The following SAG variants were observed in gnomAD, a reference collection of about 807,000 sequenced individuals.
The protein encoded by SAG is S-antigen visual arrestin.
In SAG, 45 loss-of-function variants were observed where a neutral mutation model predicts 55.0. That is an observed-to-expected ratio of 0.82 (90% CI 0.64 to 1.05). The LOEUF (loss-of-function observed/expected upper bound fraction) is 1.05, where lower values mean the gene tolerates loss of function less well. Among genes scored for constraint, SAG ranks in the 50% least tolerant of loss-of-function variants. The pLI is 0.00. For missense variants in SAG, 455 were observed against 512.1 expected (o/e 0.89, Z 1.08); for synonymous variants, 189 against 197.4 (o/e 0.96, Z 0.36).
rs901650956 is a variant in SAG at position 233,320,752 on chromosome 2, A to G, written c.304A>G (p.Ser102Gly). 1 of 1,606,514 alleles carries G rather than the reference A, an allele frequency of 6.2e-7. No individual in the cohort carries two copies. Among genetic ancestry groups the G allele is most frequent in the Non-Finnish European group, 8.5e-7 (1 of 1,176,682 alleles). Residue 102 changes from serine (S) to glycine (G), a missense_variant, in exon 5 of 16, where the codon AGC (serine) becomes GGC (glycine). By Grantham distance (56) the Ser-to-Gly change is moderately conservative. Coordinates refer to ENST00000409110, the MANE Select transcript of SAG (RefSeq NM_000541.5). ...GGTGTATCCTCCTGTGGGGGCCGCG[A>G]GCACCCCCACAAAACTGCAAGAGAG... ...VQVYPPVGAASTPTKLQESLL... is the reference protein window; with the variant it reads ...VQVYPPVGAAGTPTKLQESLL...
Position 233,340,393 on chromosome 2 carries a change from A to T in SAG, c.1023-62A>T. 1 of 1,508,354 alleles carries T rather than the reference A, an allele frequency of 6.6e-7. No individual in the cohort carries two copies. Among genetic ancestry groups the T allele is most frequent in the Non-Finnish European group, 9.2e-7 (1 of 1,091,402 alleles). 93.4% of individuals were successfully genotyped at this position (1,508,354 alleles called of 1,614,324 possible). A position where few individuals can be genotyped will look rare whatever the true frequency, so the allele number is the denominator to read the frequency against. The stretch of plus-strand genomic sequence containing the variant: ...CTGGGCTGTGTCCTGCCTCTGAATC[A>T]TGGGAAAGGGTCGTGTTACCACTGT... On this transcript the variant is annotated intron_variant, in intron 12 of 15. Coordinates refer to ENST00000409110, the MANE Select transcript of SAG (RefSeq NM_000541.5). This position sits in a 1 kb window ranked among gnomAD's most constrained non-coding sequence, Gnocchi z 4.2.
intron 5 of SAG, among the ~76,000 whole-genome samples, chr2:233,321,144 G>T (rs894005712): frequency 6.6e-6 from 1 of 152,154 alleles, no homozygotes; most frequent in African/African-American, 2.4e-5. Context: ...CCTCGGCCCT[G>T]GGGAGTTCTA....
chr2:233,314,991 A>G (rs967978085), intron 2 of SAG, among the ~76,000 whole-genome samples: 12 of 152,184 alleles, frequency 7.9e-5, no homozygotes, highest in African/African-American at 2.2e-4. Flanking sequence ...TAGACTCTGC[A>G]GTAGATGCTT....
intron 8 of SAG, 191 bp downstream of exon 8, chr2:233,328,804 AGAG>A (rs1700655619): frequency 1.7e-6 from 1 of 587,206 alleles, no homozygotes; most frequent in Non-Finnish European, 2.8e-6. Context: ...CATGGTCCTT[AGAG>A]GAGGACGGAA....
At chr2:233,320,581 GGT>G in intron 4 of SAG, 47 bp from the exon 5 acceptor site, 2 of 1,432,668 alleles carry the variant, frequency 1.4e-6, no homozygotes, top group Non-Finnish European at 1.9e-6. Context: ...AGTGGTGGTG[GGT>G]GCCAGGCCGA....
chr2:233,330,323 G>A (rs1198813416), intron 9 of SAG, among the ~76,000 whole-genome samples: 1 of 152,160 alleles, frequency 6.6e-6, no homozygotes, highest in Non-Finnish European at 1.5e-5. Context: ...TGAGGATGTG[G>A]AACTTCCAGT....
rs75120191 is a variant in SAG at position 233,319,957 on chromosome 2, C to T, written c.182-673C>T. On this transcript the variant is annotated intron_variant, in intron 4 of 15. Coordinates refer to ENST00000409110, the MANE Select transcript of SAG (RefSeq NM_000541.5). The surrounding 1 kb of genome is among the most constrained non-coding windows in gnomAD (Gnocchi z 4.4). ...CTTTATATTTGAGAAATATGTGCTT[C>T]GTGTCTTTTTTAGAAGGTGTAGTGA... 217 of 985,488 alleles carry T rather than the reference C, an allele frequency of 2.2e-4. No homozygotes were observed. The East Asian group carries it at 0.012, about 54-fold the overall frequency. 61.0% of individuals were successfully genotyped at this position (985,488 alleles called of 1,614,324 possible). A position where few individuals can be genotyped will look rare whatever the true frequency, so the allele number is the denominator to read the frequency against.
intron 9 of SAG, among the ~76,000 whole-genome samples, chr2:233,330,715 G>C (rs1401685971): frequency 1.3e-5 from 2 of 152,018 alleles, no homozygotes; most frequent in Non-Finnish European, 2.9e-5. Flanking sequence ...ATTTTCAGTA[G>C]AGATGGGGAT....
At chr2:233,325,300 G>A (rs529357525) in intron 6 of SAG, among the ~76,000 whole-genome samples, 1 of 149,430 alleles carries the variant, frequency 6.7e-6, no homozygotes, top group East Asian at 2.0e-4. Context: ...AGGTTGCAGT[G>A]AACTGAAATT....
At chr2:233,313,001 C>G (rs531265009) in intron 2 of SAG, among the ~76,000 whole-genome samples, 11 of 152,316 alleles carry the variant, frequency 7.2e-5, no homozygotes, top group African/African-American at 2.6e-4. Flanking sequence ...CCAGCAGCTG[C>G]TGGGGCCTCT....
At chr2:233,331,894 AC>A (rs1170982931) in intron 10 of SAG, 182 bp downstream of exon 10, 4 of 623,430 alleles carry the variant, frequency 6.4e-6, no homozygotes, top group Non-Finnish European at 1.2e-5. Flanking sequence ...CATCTACCAC[AC>A]CCCTCTGTGC....
At chr2:233,317,667 A>G (rs1005145691) in intron 3 of SAG, among the ~76,000 whole-genome samples, 5 of 152,242 alleles carry the variant, frequency 3.3e-5, no homozygotes, top group Non-Finnish European at 4.4e-5. Flanking sequence ...TCATCACAAT[A>G]TTAATTACAA....
In SAG at chr2:233,319,216, G is replaced by C. The variant is rs1700306538; in HGVS notation, c.181+421G>C. Among the ~76,000 whole-genome samples, 2 of 152,018 alleles carry C rather than the reference G, an allele frequency of 1.3e-5. No individual in the cohort carries two copies. Among genetic ancestry groups the C allele is most frequent in the South Asian group, 4.1e-4 (2 of 4,828 alleles). ...GGGCAGTGTTTCTTCTGAGTCAGTGGCGAGGGGCAGTTACCGTTGGGGCTG... is the reference window on the plus strand; with the variant it reads ...GGGCAGTGTTTCTTCTGAGTCAGTGCCGAGGGGCAGTTACCGTTGGGGCTG... On this transcript the variant is annotated intron_variant, in intron 4 of 15. Transcript: ENST00000409110. The surrounding 1 kb of genome is among the most constrained non-coding windows in gnomAD (Gnocchi z 4.4).
At chr2:233,313,803 A>G (rs185939300) in intron 2 of SAG, among the ~76,000 whole-genome samples, 3 of 144,380 alleles carry the variant, frequency 2.1e-5, no homozygotes, top group Non-Finnish European at 4.5e-5. Context: ...TCCTGACTTC[A>G]GGTGATCCTT....
At chr2:233,346,637 T>C (rs1701260572) in intron 15 of SAG, among the ~76,000 whole-genome samples, 170 bp from the exon 16 acceptor site, 1 of 152,256 alleles carries the variant, frequency 6.6e-6, no homozygotes, top group Non-Finnish European at 1.5e-5. Context: ...CTCCCATTGG[T>C]GCTAGTTAAA....
At chr2:233,316,162 G>T in intron 3 of SAG, 27 bp downstream of exon 3, 1 of 1,414,766 alleles carries the variant, frequency 7.1e-7, no homozygotes, top group Non-Finnish European at 9.9e-7. Flanking sequence ...AAACTGTAAT[G>T]CTGGTTTTCC....
intron 3 of SAG, among the ~76,000 whole-genome samples, chr2:233,317,418 C>T (rs1363489455): frequency 6.6e-6 from 1 of 152,182 alleles, no homozygotes; most frequent in Non-Finnish European, 1.5e-5. Flanking sequence ...ATGAAGGATA[C>T]TAGGGACGTC....
chr2:233,338,493 G>T, intron 11 of SAG, 183 bp from the exon 12 acceptor site: 1 of 613,464 alleles, frequency 1.6e-6, no homozygotes, highest in East Asian at 2.8e-5. Context: ...TCCAGTGCGT[G>T]CAAGGAGTCC....
At position 233,328,800 on chromosome 2, in the gene SAG, C is replaced by T. The variant is rs546117257; in HGVS notation, c.648+187C>T. ...ACAGCCTGGAGCTGGTCAGCATGGT[C>T]CTTAGAGGAGGACGGAACTGGCTTG... On this transcript the variant is annotated intron_variant, in intron 8 of 15. Coordinates refer to ENST00000409110, the MANE Select transcript of SAG (RefSeq NM_000541.5). 1.7e-5 allele frequency: 10 copies of T among 605,108 alleles called. No homozygotes were observed. The African/African-American group carries it at 1.7e-4, about 10-fold the overall frequency. The allele number at this position is 605,108 out of a possible 1,614,324, so 37.5% of individuals were successfully genotyped here. A position where few individuals can be genotyped will look rare whatever the true frequency, so the allele number is the denominator to read the frequency against.
Sources: gnomAD v4.1 joint callset for allele counts (sites outside exome capture counted in the v4.1 genomes callset) on GRCh38, gnomAD v4.1.1 for gene constraint, Gnocchi (gnomAD v3.1) non-coding constraint, MANE v1.5 for transcripts, NCBI Gene and HGNC (gene_info 2026-07-23, HGNC 2026-07-21) for gene names.